The following ARB2A variants were observed in gnomAD, a reference collection of about 807,000 sequenced individuals.
The protein encoded by ARB2A is ARB2 cotranscriptional regulator A, also known as cotranscriptional regulator ARB2A.
At chr5:93,964,156 T>C in the ARB2A span, among the ~76,000 whole-genome samples, 1 of 152,044 alleles carries the variant, frequency 6.6e-6, no homozygotes, top group African/African-American at 2.4e-5. Context: ...AAATAAATTA[T>C]TCCAGTGAAA....
At chr5:94,087,224 T>C in the ARB2A span, among the ~76,000 whole-genome samples, 1 of 152,066 alleles carries the variant, frequency 6.6e-6, no homozygotes, top group Non-Finnish European at 1.5e-5. Flanking sequence ...CAATATGTGT[T>C]TTAAGCTAAG....
the ARB2A span, among the ~76,000 whole-genome samples, chr5:93,628,962 T>G: frequency 6.6e-6 from 1 of 152,262 alleles, no homozygotes; most frequent in Admixed American, 6.5e-5. Context: ...CATTCACAAC[T>G]TGGCTAACTG....
chr5:93,835,952 G>C, the ARB2A span, among the ~76,000 whole-genome samples: 1 of 152,212 alleles, frequency 6.6e-6, no homozygotes, highest in Admixed American at 6.5e-5. Flanking sequence ...AGATAGTCTA[G>C]TCTGCTGGAT....
the ARB2A span, among the ~76,000 whole-genome samples, chr5:93,729,157 C>G: frequency 6.6e-6 from 1 of 151,954 alleles, no homozygotes; most frequent in African/African-American, 2.4e-5. Flanking sequence ...CCTAGTTATC[C>G]TTTACGTTGT....
At chr5:94,068,058 G>A in the ARB2A span, among the ~76,000 whole-genome samples, 314 of 152,250 alleles carry the variant, frequency 2.1e-3, 1 homozygote, top group African/African-American at 7.2e-3. Flanking sequence ...CTTTGTTACC[G>A]GCAGGTCTTT....
chr5:94,032,669 G>A, the ARB2A span, among the ~76,000 whole-genome samples: 1 of 152,216 alleles, frequency 6.6e-6, no homozygotes, highest in East Asian at 1.9e-4. Context: ...AAAGTCATAG[G>A]GGCAGGACTT....
chr5:94,009,700 T>A, the ARB2A span, among the ~76,000 whole-genome samples: 1 of 152,150 alleles, frequency 6.6e-6, no homozygotes, highest in South Asian at 2.1e-4. Flanking sequence ...ATCTGAAGCA[T>A]TTTTAAAATA....
chr5:93,748,115 C>T, the ARB2A span, among the ~76,000 whole-genome samples: 2 of 152,060 alleles, frequency 1.3e-5, no homozygotes, highest in African/African-American at 4.8e-5. Flanking sequence ...GATTGACAGA[C>T]ATGTAGATGA....
At chr5:93,711,440 C>CA in the ARB2A span, among the ~76,000 whole-genome samples, 1 of 152,106 alleles carries the variant, frequency 6.6e-6, no homozygotes, top group Non-Finnish European at 1.5e-5. Context: ...CCTTTACCCT[C>CA]AGTTACTTTT....
At chr5:93,647,243 C>CG in the ARB2A span, among the ~76,000 whole-genome samples, 7 of 152,086 alleles carry the variant, frequency 4.6e-5, no homozygotes, top group East Asian at 1.2e-3. Flanking sequence ...TCTTCCCCCC[C>CG]GAGACGGAGT....
chr5:93,976,489 G>C, the ARB2A span, among the ~76,000 whole-genome samples: 4 of 152,218 alleles, frequency 2.6e-5, no homozygotes, highest in South Asian at 8.3e-4. Context: ...ATCTCGAATT[G>C]TAATCCCCAC....
the ARB2A span, among the ~76,000 whole-genome samples, chr5:94,035,834 C>A: frequency 6.6e-6 from 1 of 151,888 alleles, no homozygotes; most frequent in Non-Finnish European, 1.5e-5. Context: ...GGGAGGAGAA[C>A]ATCACAAACC....
chr5:93,841,141 A>C, the ARB2A span, among the ~76,000 whole-genome samples: 1 of 152,186 alleles, frequency 6.6e-6, no homozygotes, highest in African/African-American at 2.4e-5. Flanking sequence ...AATAATGTTA[A>C]CTGAAAATGC....
At chr5:93,785,470 T>G in the ARB2A span, among the ~76,000 whole-genome samples, 2 of 152,144 alleles carry the variant, frequency 1.3e-5, no homozygotes, top group African/African-American at 4.8e-5. Context: ...AAAAATATAA[T>G]AGTGCACTTC....
At chr5:93,760,250 G>A in the ARB2A span, among the ~76,000 whole-genome samples, 5 of 152,058 alleles carry the variant, frequency 3.3e-5, no homozygotes, top group East Asian at 1.9e-4. Context: ...GAAATCATAC[G>A]TGACAGAAAC....
At chr5:93,623,682 A>C in the ARB2A span, among the ~76,000 whole-genome samples, 1 of 152,130 alleles carries the variant, frequency 6.6e-6, no homozygotes, top group Admixed American at 6.6e-5. Context: ...TTACTCTTGT[A>C]ATTTAAGAGT....
At chr5:93,964,942 G>T in the ARB2A span, among the ~76,000 whole-genome samples, 2 of 151,980 alleles carry the variant, frequency 1.3e-5, no homozygotes, top group Admixed American at 1.3e-4. Context: ...GGAGGAAAAA[G>T]TCAGAGGTAT....
At chr5:93,950,805 A>T in the ARB2A span, among the ~76,000 whole-genome samples, 3 of 148,562 alleles carry the variant, frequency 2.0e-5, no homozygotes, top group Admixed American at 1.3e-4. Flanking sequence ...TTAGCCCAGC[A>T]TGGTGGTGCA....
At chr5:93,873,310 G>T in the ARB2A span, among the ~76,000 whole-genome samples, 42 of 93,490 alleles carry the variant, frequency 4.5e-4, 6 homozygotes, top group Admixed American at 3.3e-3. Flanking sequence ...AAGGGGGGGG[G>T]GAAAGAAAGG....
Sources: allele counts gnomAD v4.1 joint callset (sites outside exome capture counted in the v4.1 genomes callset), GRCh38; gene constraint gnomAD v4.1.1; transcripts MANE v1.5; gene names NCBI Gene and HGNC (gene_info 2026-07-23, HGNC 2026-07-21).